Variants in FAM178B observed in about 807,000 individuals in gnomAD.
FAM178B encodes protein FAM178B.
In FAM178B, 82 loss-of-function variants were observed where a neutral mutation model predicts 91.7. The ratio of observed to expected loss-of-function variants is 0.89; its 90% CI spans 0.75 to 1.07. The LOEUF is 1.07. Among genes scored for constraint, FAM178B ranks in the 50% least tolerant of loss-of-function variants. The pLI is 0.00. For synonymous variants in FAM178B, 368 were observed against 359.4 expected (o/e 1.02, Z -0.27); for missense variants, 769 against 846.7 (o/e 0.91, Z 1.14).
chr2:96,927,788 C>T (rs184720868), intron 9 of FAM178B, among the ~76,000 whole-genome samples: 529 of 152,266 alleles, frequency 3.5e-3, no homozygotes, highest in Non-Finnish European at 5.4e-3. Context: ...TCTCCAGTGC[C>T]GCCTCCCACT....
chr2:96,980,979 T>G (rs906009744), intron 1 of FAM178B, among the ~76,000 whole-genome samples: 1 of 152,002 alleles, frequency 6.6e-6, no homozygotes, highest in Non-Finnish European at 1.5e-5. Flanking sequence ...TTCTATTTAT[T>G]TTTTTTCTTT....
At chr2:96,949,858 C>T (rs1466147819) in intron 7 of FAM178B, 2 of 441,900 alleles carry the variant, frequency 4.5e-6, no homozygotes, top group Non-Finnish European at 6.0e-6. Flanking sequence ...TCACGGATGT[C>T]CCACTTAACT....
chr2:96,943,788 C>G (rs1230352659), intron 8 of FAM178B, among the ~76,000 whole-genome samples: 1 of 152,176 alleles, frequency 6.6e-6, no homozygotes, highest in Non-Finnish European at 1.5e-5. Flanking sequence ...CGTCTTTGTT[C>G]CCACTGCTCC....
intron 1 of FAM178B, among the ~76,000 whole-genome samples, chr2:96,978,974 CTTTTTTT>C (rs559416706): frequency 3.5e-5 from 2 of 56,774 alleles, no homozygotes; most frequent in African/African-American, 1.0e-4. Flanking sequence ...GTATGTATCA[CTTTTTTT>C]TTTTTTTTTT....
At chr2:96,964,537 G>T (rs1400266068) in intron 5 of FAM178B, among the ~76,000 whole-genome samples, 3 of 152,152 alleles carry the variant, frequency 2.0e-5, no homozygotes, top group Admixed American at 2.0e-4. Context: ...CTCCCCTGCA[G>T]CCCAATGCAC....
At chr2:96,923,244 A>T (rs549751360) in intron 10 of FAM178B, among the ~76,000 whole-genome samples, 2 of 152,282 alleles carry the variant, frequency 1.3e-5, no homozygotes, top group East Asian at 3.9e-4. Flanking sequence ...AAGCGCTGGG[A>T]TTACAGGCAT....
chr2:96,958,787 A>G (rs13016654), intron 6 of FAM178B, among the ~76,000 whole-genome samples: 112,130 of 147,234 alleles, frequency 0.76, 43,517 homozygotes, highest in Middle Eastern at 0.85. Flanking sequence ...AGAAATTACT[A>G]TTTCTTCAGG....
intron 8 of FAM178B, among the ~76,000 whole-genome samples, chr2:96,931,294 A>T: frequency 6.6e-6 from 1 of 152,230 alleles, no homozygotes; most frequent in Non-Finnish European, 1.5e-5. Context: ...TGTGGAAGAT[A>T]AAAAGGCAAG....
rs1415353826 is a variant in FAM178B at position 96,877,905 on chromosome 2, G to A, written c.1992C>T (p.Thr664=). ...GGGGCACCACCTGGGGCTGGCAGTG[G>A]GTCAGCAGCTCCTGCCAACGGATGT... is the stretch of plus-strand genomic sequence containing the variant. ...QTYIRWQELL[T]HCQPQAQYFS... The change falls in exon 16 of 17, where the codon ACC becomes ACT. Residue 664 remains threonine (T), a synonymous_variant. Coordinates refer to ENST00000490605, the MANE Select transcript of FAM178B (RefSeq NM_001122646.3). 4.3e-6 allele frequency: 7 copies of A among 1,613,228 alleles called. No individual in the cohort carries two copies. The highest frequency in any genetic ancestry group is 1.7e-5 in the Admixed American group (1 of 60,002).
chr2:96,898,239 G>T, intron 13 of FAM178B: 1 of 521,882 alleles, frequency 1.9e-6, no homozygotes, highest in Non-Finnish European at 2.5e-6. Context: ...CGGGACTAAA[G>T]CCCAAGGACC....
rs184799353 is a variant in FAM178B, at chr2:96,980,013, T to C, written c.73+6228A>G. Among the ~76,000 whole-genome samples, 10 of 152,334 alleles carry C rather than the reference T, an allele frequency of 6.6e-5. No individual in the cohort carries two copies. The East Asian group carries it at 1.5e-3, about 23-fold the overall frequency. On this transcript the variant is annotated intron_variant, in intron 1 of 16. Transcript: ENST00000490605. Reference sequence around the variant, plus strand: ...GTTCCATCCTTGTCAATACTTGAGATTGCTGGTATCTTAAATGTTTGCCAT... The same window carrying C: ...GTTCCATCCTTGTCAATACTTGAGACTGCTGGTATCTTAAATGTTTGCCAT...
intron 7 of FAM178B, among the ~76,000 whole-genome samples, chr2:96,950,282 C>A (rs1201155536): frequency 6.6e-6 from 1 of 152,218 alleles, no homozygotes; most frequent in Non-Finnish European, 1.5e-5. Flanking sequence ...AATGGCCCCA[C>A]TGTTCCCCAT....
intron 12 of FAM178B, among the ~76,000 whole-genome samples, chr2:96,911,720 C>T (rs902207143): frequency 1.3e-4 from 20 of 152,098 alleles, no homozygotes; most frequent in African/African-American, 4.1e-4. Context: ...ACCAAGGCAG[C>T]GACAGGGAGG....
chr2:96,878,607 G>T, intron 14 of FAM178B, 114 bp from the exon 15 acceptor site: 1 of 908,362 alleles, frequency 1.1e-6, no homozygotes, highest in Non-Finnish European at 1.7e-6. Flanking sequence ...CAGGGGCTCA[G>T]TCACCCCTAG....
intron 8 of FAM178B, among the ~76,000 whole-genome samples, chr2:96,945,827 T>A (rs2081818257): frequency 6.6e-6 from 1 of 152,238 alleles, no homozygotes. Flanking sequence ...TTTTTTTAAG[T>A]TGTGGTAAAA....
At position 96,956,247 on chromosome 2, in the gene FAM178B, C is replaced by T. The variant is rs1006894704; in HGVS notation, c.887+4041G>A. ...AAGGGTGGAGGAAAAAAGTTCAGCT[C>T]CTGCAATCAGCTGTTATCAGCTTCC... On this transcript the variant is annotated intron_variant, in intron 6 of 16. Transcript: ENST00000490605. Among the ~76,000 whole-genome samples, 5 of 152,222 alleles carry T rather than the reference C, an allele frequency of 3.3e-5. No individual in the cohort carries two copies. In the South Asian group the frequency reaches 8.3e-4, roughly 25 times the overall value.
chr2:96,981,184 T>C (rs2082355749), intron 1 of FAM178B, among the ~76,000 whole-genome samples: 1 of 152,128 alleles, frequency 6.6e-6, no homozygotes, highest in African/African-American at 2.4e-5. Context: ...TGGGCTAGTC[T>C]CGAACTCCTG....
intron 7 of FAM178B, 74 bp from the exon 8 acceptor site, chr2:96,947,976 T>C (rs1291098986): frequency 1.4e-6 from 1 of 731,148 alleles, no homozygotes; most frequent in African/African-American, 1.8e-5. Context: ...GTAGCAAACT[T>C]CTATTACTCC....
At chr2:96,935,372 T>C (rs574770413) in intron 8 of FAM178B, among the ~76,000 whole-genome samples, 105 of 152,244 alleles carry the variant, frequency 6.9e-4, no homozygotes, top group Non-Finnish European at 1.3e-3. Context: ...CACATCACGG[T>C]CCAGCACGGC....
Sources: allele counts gnomAD v4.1 joint callset (sites outside exome capture counted in the v4.1 genomes callset), GRCh38; gene constraint gnomAD v4.1.1; transcripts MANE v1.5; gene names NCBI Gene and HGNC (gene_info 2026-07-23, HGNC 2026-07-21).